The following FAM168A variants were observed in gnomAD, a reference collection of about 807,000 sequenced individuals.
FAM168A encodes the protein protein FAM168A.
Under a neutral mutation model 28.5 loss-of-function variants are expected in FAM168A, and 3 were observed. The ratio of observed to expected loss-of-function variants is 0.11; its 90% CI spans 0.05 to 0.27. The LOEUF is 0.27. Among genes scored for constraint, FAM168A ranks in the 10% least tolerant of loss-of-function variants. The pLI, the probability that FAM168A is intolerant of heterozygous loss-of-function variation, is 1.00. For missense variants in FAM168A, 222 were observed against 311.5 expected, an observed-to-expected ratio of 0.71 and a Z score of 2.16; for synonymous variants, 122 against 124.2, an observed-to-expected ratio of 0.98 and a Z score of 0.12.
At chr11:73,484,672 A>C (rs1027133200) in intron 1 of FAM168A, among the ~76,000 whole-genome samples, 2 of 142,716 alleles carry the variant, frequency 1.4e-5, no homozygotes, top group Non-Finnish European at 3.1e-5. Flanking sequence ...ATAGATATAG[A>C]TATGTATCGC....
At chr11:73,585,916 C>T (rs1223651759) in intron 1 of FAM168A, among the ~76,000 whole-genome samples, 1 of 147,988 alleles carries the variant, frequency 6.8e-6, no homozygotes, top group Non-Finnish European at 1.5e-5. Context: ...TTCCCCATAG[C>T]AACAAATGGT....
chr11:73,408,232 A>G, intron 6 of FAM168A, among the ~76,000 whole-genome samples: 1 of 152,216 alleles, frequency 6.6e-6, no homozygotes, highest in Non-Finnish European at 1.5e-5. Flanking sequence ...AGTAATTGTG[A>G]TGTCTGTGGC....
intron 2 of FAM168A, among the ~76,000 whole-genome samples, chr11:73,465,077 A>G (rs755637): frequency 0.026 from 4,004 of 151,862 alleles, 69 homozygotes; most frequent in Non-Finnish European, 0.042. Context: ...CGACACGAGA[A>G]GCTTTATAAA....
chr11:73,574,431 T>TA (rs900867257), intron 1 of FAM168A, among the ~76,000 whole-genome samples: 1 of 152,136 alleles, frequency 6.6e-6, no homozygotes, highest in African/African-American at 2.4e-5. Context: ...CAAGAGAGTA[T>TA]AAAAAAATAC....
At chr11:73,546,067 T>C (rs1468422528) in intron 1 of FAM168A, among the ~76,000 whole-genome samples, 2 of 152,228 alleles carry the variant, frequency 1.3e-5, no homozygotes, top group Admixed American at 6.5e-5. Context: ...CTGAGCATAC[T>C]TAAGACCTAG....
intron 2 of FAM168A, among the ~76,000 whole-genome samples, chr11:73,442,496 T>C (rs1251072625): frequency 2.0e-5 from 3 of 152,210 alleles, no homozygotes. Context: ...GTTTCATTCA[T>C]CTCAAAGTAT....
chr11:73,424,734 T>G (rs1699001735), intron 3 of FAM168A, among the ~76,000 whole-genome samples: 1 of 152,172 alleles, frequency 6.6e-6, no homozygotes, highest in South Asian at 2.1e-4. Flanking sequence ...CCTGGAATTT[T>G]TATTCATTTG....
chr11:73,437,485 C>CCT (rs1867111626), intron 2 of FAM168A, among the ~76,000 whole-genome samples: 1 of 141,158 alleles, frequency 7.1e-6, no homozygotes, highest in Non-Finnish European at 1.5e-5. Context: ...CTCACTGTAA[C>CCT]CTCTGCCTCC....
chr11:73,506,185 A>T (rs779535597), intron 1 of FAM168A, among the ~76,000 whole-genome samples: 3 of 152,168 alleles, frequency 2.0e-5, no homozygotes, highest in Admixed American at 6.5e-5. Flanking sequence ...TAAATTATAC[A>T]TCAGAAACAA....
intron 1 of FAM168A, among the ~76,000 whole-genome samples, chr11:73,482,181 CTTTTTTTTTTTTTT>C (rs55882143): frequency 3.9e-5 from 3 of 77,556 alleles, no homozygotes; most frequent in Admixed American, 4.1e-4. Context: ...ATCCAACAGC[CTTTTTTTTTTTTTT>C]TTTTTTTTTT....
intron 1 of FAM168A, among the ~76,000 whole-genome samples, chr11:73,566,436 A>G (rs1845459211): frequency 6.6e-6 from 1 of 152,224 alleles, no homozygotes; most frequent in African/African-American, 2.4e-5. Context: ...TTTGCAAGTT[A>G]CAGACAATGG....
At chr11:73,511,321 C>T (rs1431740997) in intron 1 of FAM168A, among the ~76,000 whole-genome samples, 1 of 151,974 alleles carries the variant, frequency 6.6e-6, no homozygotes, top group East Asian at 1.9e-4. Context: ...ACTGCAAGCT[C>T]TGCCTCCTGG....
chr11:73,444,922 T>TAAG (rs1208368129), intron 2 of FAM168A, among the ~76,000 whole-genome samples: 1 of 152,234 alleles, frequency 6.6e-6, no homozygotes, highest in Non-Finnish European at 1.5e-5. Flanking sequence ...AAAATGAGCA[T>TAAG]ACACTGTTTT....
At chr11:73,530,035 C>T (rs1264300506) in intron 1 of FAM168A, among the ~76,000 whole-genome samples, 1 of 151,996 alleles carries the variant, frequency 6.6e-6, no homozygotes, top group East Asian at 1.9e-4. Flanking sequence ...GATACATCCA[C>T]CTCAGCCTCC....
At chr11:73,490,528 C>T (rs1363373445) in intron 1 of FAM168A, among the ~76,000 whole-genome samples, 2 of 152,202 alleles carry the variant, frequency 1.3e-5, no homozygotes, top group African/African-American at 4.8e-5. Context: ...TTACTCTCCT[C>T]AACTTCAGGC....
At chr11:73,422,677 A>G (rs1866813692) in intron 3 of FAM168A, among the ~76,000 whole-genome samples, 1 of 152,220 alleles carries the variant, frequency 6.6e-6, no homozygotes, top group Admixed American at 6.5e-5. Context: ...TTGTATTTTG[A>G]ACTAAGTGGT....
rs1866406065 is a variant in FAM168A, at chr11:73,401,345, A to C, written c.*5418T>G. 1 of 152,042 alleles carries C rather than the reference A, an allele frequency of 6.6e-6. No homozygotes were observed. The highest frequency in any genetic ancestry group is 6.6e-5 in the Admixed American group (1 of 15,264). 9.4% of individuals were successfully genotyped at this position (152,042 alleles called of 1,614,324 possible). A position where few individuals can be genotyped will look rare whatever the true frequency, so the allele number is the denominator to read the frequency against. On this transcript the variant is annotated 3_prime_UTR_variant, in exon 8 of 8. Transcript: ENST00000356467. ...GGGCCTTTCAAGATTATTACAGACA[A>C]CTCCAAGTAGCTAGAGGCCTGGCCT...
At chr11:73,468,803 AT>A (rs1331626428) in intron 1 of FAM168A, among the ~76,000 whole-genome samples, 6 of 152,234 alleles carry the variant, frequency 3.9e-5, no homozygotes, top group African/African-American at 1.4e-4. Context: ...ACTATGTGGC[AT>A]TGGCCATGTC....
chr11:73,424,257 T>A (rs1866845262), intron 3 of FAM168A, among the ~76,000 whole-genome samples: 1 of 152,056 alleles, frequency 6.6e-6, no homozygotes, highest in African/African-American at 2.4e-5. Context: ...TAATTCAAGG[T>A]TAAAAGTTGA....
Sources: allele counts gnomAD v4.1 joint callset (sites outside exome capture counted in the v4.1 genomes callset), GRCh38; gene constraint gnomAD v4.1.1; transcripts MANE v1.5; gene names NCBI Gene and HGNC (gene_info 2026-07-23, HGNC 2026-07-21).